LRRC8B: variants seen among roughly 807,000 people sequenced by gnomAD.
LRRC8B encodes volume-regulated anion channel subunit LRRC8B.
Under a neutral mutation model 58.8 loss-of-function variants are expected in LRRC8B, and 23 were observed. The observed-to-expected ratio is 0.39, with a 90% CI of 0.28 to 0.55. The LOEUF is 0.55. Ranked by LOEUF, LRRC8B falls within the 20% of genes least tolerant of loss-of-function variation. LRRC8B has a pLI of 0.62. For missense variants in LRRC8B, 694 were observed against 936.0 expected (o/e 0.74, Z 3.37); for synonymous variants, 359 against 374.1 (o/e 0.96, Z 0.47).
At chr1:89,552,071 T>C (rs1159717357) in intron 1 of LRRC8B, among the ~76,000 whole-genome samples, 1 of 152,198 alleles carries the variant, frequency 6.6e-6, no homozygotes, top group South Asian at 2.1e-4. Context: ...AGCACTAATA[T>C]TCAGATTTGC....
chr1:89,539,908 T>C (rs1050829884), intron 1 of LRRC8B, among the ~76,000 whole-genome samples: 1 of 152,268 alleles, frequency 6.6e-6, no homozygotes, highest in African/African-American at 2.4e-5. Context: ...GTTGAACAGC[T>C]AATGCATGCT....
intron 1 of LRRC8B, among the ~76,000 whole-genome samples, chr1:89,548,980 GA>G (rs1308133077): frequency 4.6e-5 from 7 of 152,090 alleles, no homozygotes; most frequent in African/African-American, 1.7e-4. Context: ...AAGAAAAAAG[GA>G]CATATTAAGT....
intron 1 of LRRC8B, among the ~76,000 whole-genome samples, chr1:89,546,166 G>T (rs1023120579): frequency 6.6e-6 from 1 of 152,164 alleles, no homozygotes; most frequent in Non-Finnish European, 1.5e-5. Flanking sequence ...AGTAGGAAGG[G>T]TTGGAAAAGC....
chr1:89,533,950 T>G (rs755530693), intron 1 of LRRC8B, among the ~76,000 whole-genome samples: 4 of 152,220 alleles, frequency 2.6e-5, no homozygotes, highest in Non-Finnish European at 5.9e-5. Flanking sequence ...CTAAAGTACT[T>G]TGTCTATGAG....
rs556393491 is a variant in LRRC8B, at chr1:89,590,505, C to T, written c.2140-2266C>T. 1.8e-4 allele frequency among the ~76,000 whole-genome samples: 28 copies of T among 152,366 alleles called. 1 individual carries two copies. The highest frequency in any genetic ancestry group is 6.7e-4 in the African/African-American group (28 of 41,596). On this transcript the variant is annotated intron_variant, in intron 5 of 5. Coordinates refer to ENST00000330947, the MANE Select transcript of LRRC8B (RefSeq NM_001369817.2). ...CAGCGCAGCCCTTGACTCACTTTCA[C>T]AGCAGCAATGCTAAGGGGCTGGCCC...
intron 1 of LRRC8B, among the ~76,000 whole-genome samples, chr1:89,563,860 G>A (rs895856291): frequency 1.3e-5 from 2 of 152,074 alleles, no homozygotes; most frequent in African/African-American, 2.4e-5. Flanking sequence ...CTAAGATCAA[G>A]CAGATGGTAA....
chr1:89,572,177 C>T (rs1282159053), intron 3 of LRRC8B, among the ~76,000 whole-genome samples: 1 of 152,164 alleles, frequency 6.6e-6, no homozygotes, highest in Non-Finnish European at 1.5e-5. Context: ...CCCCTAATGT[C>T]TTCTGGCTGG....
chr1:89,545,601 A>T (rs1651341160), intron 1 of LRRC8B, among the ~76,000 whole-genome samples: 1 of 152,186 alleles, frequency 6.6e-6, no homozygotes, highest in Admixed American at 6.5e-5. Flanking sequence ...ATTTTAATAA[A>T]CTCTATAAAA....
intron 5 of LRRC8B, among the ~76,000 whole-genome samples, chr1:89,587,067 A>G (rs2390762): frequency 0.41 from 62,098 of 151,964 alleles, 13,945 homozygotes; most frequent in South Asian, 0.55. Context: ...CAAGCGGAGA[A>G]AACTAGGACC....
At chr1:89,531,455 G>C (rs900932878) in intron 1 of LRRC8B, among the ~76,000 whole-genome samples, 4 of 152,206 alleles carry the variant, frequency 2.6e-5, no homozygotes, top group Non-Finnish European at 5.9e-5. Context: ...GCCAAAAACA[G>C]GTAATGGTGG....
rs538723755 is a variant in LRRC8B, at chr1:89,590,715, A to G, written c.2140-2056A>G. ...CCCAGTAGGAAATCAGTCCAGTTAA[A>G]CGAGGTACTTGCTGGGAATCTGAAG... is the stretch of plus-strand genomic sequence containing the variant. On this transcript the variant is annotated intron_variant, in intron 5 of 5. Coordinates refer to ENST00000330947, the MANE Select transcript of LRRC8B (RefSeq NM_001369817.2). 1.1e-4 allele frequency among the ~76,000 whole-genome samples: 16 copies of G among 152,336 alleles called. No individual in the cohort carries two copies. The South Asian group carries it at 3.3e-3, about 32-fold the overall frequency.
At chr1:89,587,009 A>G (rs1157019023) in intron 5 of LRRC8B, among the ~76,000 whole-genome samples, 6 of 152,188 alleles carry the variant, frequency 3.9e-5, no homozygotes, top group Non-Finnish European at 8.8e-5. Flanking sequence ...AAAAATTTAC[A>G]TGGAGAACAA....
chr1:89,549,213 C>T (rs551936720), intron 1 of LRRC8B, among the ~76,000 whole-genome samples: 1 of 152,186 alleles, frequency 6.6e-6, no homozygotes, highest in South Asian at 2.1e-4. Flanking sequence ...AAAACCAGAG[C>T]AGTTCTTCAA....
chr1:89,594,012 C>T lies in LRRC8B; in HGVS notation c.*969C>T, dbSNP rs972339848. 16 of 152,274 alleles carry T rather than the reference C, an allele frequency of 1.1e-4. 1 individual carries two copies. Among genetic ancestry groups the T allele is most frequent in the Admixed American group, 8.5e-4 (13 of 15,302 alleles). 9.4% of individuals were successfully genotyped at this position (152,274 alleles called of 1,614,324 possible). The stretch of plus-strand genomic sequence containing the variant: ...CTGAGTATTTAAGATGTATTATCCT[C>T]GGGGCATCCTGAAAATTAATGTATT... On this transcript the variant is annotated 3_prime_UTR_variant, in exon 6 of 6. Transcript: ENST00000330947.
intron 1 of LRRC8B, among the ~76,000 whole-genome samples, chr1:89,531,525 G>T (rs931490649): frequency 1.3e-5 from 2 of 152,208 alleles, no homozygotes; most frequent in African/African-American, 4.8e-5. Context: ...GGCCTGGCTA[G>T]CAAAGGTGGT....
rs1655360918 is a variant in LRRC8B, at chr1:89,597,805, T to C, written c.*4762T>C. 6.6e-6 allele frequency: 1 copy of C among 152,150 alleles called. No homozygotes were observed. The allele number at this position is 152,150 out of a possible 1,614,324, so 9.4% of individuals were successfully genotyped here. ...CACTGTTTTTAAAGTACCTTTTGTGTAAAATAAAGATCCAATTTTTATAAC... is the reference window on the plus strand; with the variant it reads ...CACTGTTTTTAAAGTACCTTTTGTGCAAAATAAAGATCCAATTTTTATAAC... On this transcript the variant is annotated 3_prime_UTR_variant, in exon 6 of 6. Transcript: ENST00000330947.
At chr1:89,568,057 C>G (rs1653170978) in intron 1 of LRRC8B, among the ~76,000 whole-genome samples, 190 bp from the exon 2 acceptor site, 2 of 152,136 alleles carry the variant, frequency 1.3e-5, no homozygotes, top group Admixed American at 6.5e-5. Context: ...TTTCACGTTT[C>G]CCCTATTTAA....
chr1:89,560,506 A>C lies in LRRC8B; in HGVS notation c.-240-7741A>C, dbSNP rs371804838. On this transcript the variant is annotated intron_variant, in intron 1 of 5. Coordinates refer to ENST00000330947, the MANE Select transcript of LRRC8B (RefSeq NM_001369817.2). ...ACCCACTAACTCGTCATCTAGCATT[A>C]GGTATATCTCCCAATGCTATCCCTC... is the stretch of plus-strand genomic sequence containing the variant. Among the ~76,000 whole-genome samples the C allele has an allele frequency of 1.8e-3, 279 of 151,452 alleles. 2 individuals carry two copies. The highest frequency in any genetic ancestry group is 6.3e-3 in the African/African-American group (260 of 41,306).
Position 89,532,886 on chromosome 1 carries a change from C to T in LRRC8B, c.-241+7864C>T, listed in dbSNP as rs568530968. ...CCTTTAGATTCTGTATTTTTGCCAA[C>T]AGCAATACTATTTACCCAGTTATGT... On this transcript the variant is annotated intron_variant, in intron 1 of 5. Coordinates refer to ENST00000330947, the MANE Select transcript of LRRC8B (RefSeq NM_001369817.2). 2.0e-5 allele frequency among the ~76,000 whole-genome samples: 3 copies of T among 152,182 alleles called. No individual in the cohort carries two copies. In the East Asian group the frequency reaches 5.8e-4, roughly 29 times the overall value.
Sources: gnomAD v4.1 joint callset for allele counts (sites outside exome capture counted in the v4.1 genomes callset) on GRCh38, gnomAD v4.1.1 for gene constraint, MANE v1.5 for transcripts, NCBI Gene and HGNC (gene_info 2026-07-23, HGNC 2026-07-21) for gene names.